The following TACC2 variants were observed in gnomAD, a reference collection of about 807,000 sequenced individuals.
TACC2 encodes the protein transforming acidic coiled-coil containing protein 2.
In TACC2, 137 loss-of-function variants were observed where a neutral mutation model predicts 227.3. The observed-to-expected ratio is 0.60, with a 90% CI of 0.52 to 0.69. TACC2 has a LOEUF of 0.69. Ranked by LOEUF, TACC2 falls within the 30% of genes least tolerant of loss-of-function variation. TACC2 has a pLI of 0.00. For synonymous variants in TACC2, 1,523 were observed against 1,487.5 expected (o/e 1.02, Z -0.55); for missense variants, 3,470 against 3,694.4 (o/e 0.94, Z 1.57).
chr10:122,170,271 T>C (rs2093405221), intron 7 of TACC2, among the ~76,000 whole-genome samples: 1 of 137,962 alleles, frequency 7.2e-6, no homozygotes, highest in Admixed American at 7.1e-5. Flanking sequence ...GTCTTTTTTT[T>C]TTTTTTTTTT....
intron 19 of TACC2, among the ~76,000 whole-genome samples, chr10:122,245,896 C>G (rs1218403142): frequency 6.6e-6 from 1 of 152,134 alleles, no homozygotes; most frequent in Non-Finnish European, 1.5e-5. Flanking sequence ...CAAGGTCACT[C>G]GTATGGAAAG....
chr10:122,144,293 C>T (rs1343153639), intron 7 of TACC2, among the ~76,000 whole-genome samples: 1 of 152,164 alleles, frequency 6.6e-6, no homozygotes, highest in Admixed American at 6.5e-5. Context: ...TAAAAAATAT[C>T]TCCACAGTGA....
At chr10:122,072,372 G>C (rs980517795) in intron 3 of TACC2, among the ~76,000 whole-genome samples, 5 of 152,194 alleles carry the variant, frequency 3.3e-5, no homozygotes, top group Non-Finnish European at 7.3e-5. Context: ...TGAGCACAGC[G>C]AAGATAAAAC....
intron 2 of TACC2, among the ~76,000 whole-genome samples, chr10:122,047,490 G>A (rs2075156592): frequency 6.6e-6 from 1 of 152,074 alleles, no homozygotes; most frequent in African/African-American, 2.4e-5. Context: ...CAGCCTGCAG[G>A]GAGGTCAAGC....
intron 2 of TACC2, among the ~76,000 whole-genome samples, chr10:122,038,286 AACAC>A (rs1431860904): frequency 6.6e-6 from 1 of 152,196 alleles, no homozygotes; most frequent in Non-Finnish European, 1.5e-5. Context: ...CAAATAAACA[AACAC>A]ACAAACCAAA....
At chr10:122,073,126 A>AAAATATATATAT (rs1383487943) in intron 3 of TACC2, among the ~76,000 whole-genome samples, 6 of 71,018 alleles carry the variant, frequency 8.4e-5, no homozygotes, top group Non-Finnish European at 1.2e-4. Context: ...AAAAAAAAAA[A>AAAATATATATAT]ATATATATAT....
chr10:122,068,357 C>T (rs1487306343), intron 3 of TACC2, among the ~76,000 whole-genome samples: 2 of 152,092 alleles, frequency 1.3e-5, no homozygotes, highest in Admixed American at 1.3e-4. Context: ...GGTCACATTT[C>T]CCTGCTCACA....
At chr10:122,111,557 C>T (rs945646589) in intron 5 of TACC2, among the ~76,000 whole-genome samples, 3 of 152,172 alleles carry the variant, frequency 2.0e-5, no homozygotes, top group African/African-American at 7.2e-5. Flanking sequence ...GTGGTGCAAC[C>T]TCGGCTCACT....
chr10:122,033,177 C>A, intron 2 of TACC2: 1 of 1,283,868 alleles, frequency 7.8e-7, no homozygotes, highest in Non-Finnish European at 1.0e-6. Context: ...TGCTGTTCTG[C>A]ATGGCTTCCC....
intron 11 of TACC2, among the ~76,000 whole-genome samples, chr10:122,217,103 G>A (rs1433609097): frequency 6.6e-6 from 1 of 152,170 alleles, no homozygotes; most frequent in Non-Finnish European, 1.5e-5. Flanking sequence ...GGTCCTGAGC[G>A]CCCACTCGAG....
At chr10:122,043,075 G>A (rs1335673031) in intron 2 of TACC2, among the ~76,000 whole-genome samples, 1 of 152,064 alleles carries the variant, frequency 6.6e-6, no homozygotes, top group Non-Finnish European at 1.5e-5. Context: ...GTTTATTGAC[G>A]GAGAGAGAGA....
chr10:121,993,105 A>G (rs1183852396), intron 1 of TACC2, among the ~76,000 whole-genome samples: 1 of 152,186 alleles, frequency 6.6e-6, no homozygotes, highest in Non-Finnish European at 1.5e-5. Flanking sequence ...GGATCCCTTG[A>G]GCCAAGAGTT....
intron 5 of TACC2, among the ~76,000 whole-genome samples, chr10:122,109,573 C>T (rs571779519): frequency 6.6e-6 from 1 of 152,294 alleles, no homozygotes; most frequent in South Asian, 2.1e-4. Flanking sequence ...TGAGCAGAGG[C>T]TGGGGGCCCA....
intron 3 of TACC2, among the ~76,000 whole-genome samples, chr10:122,064,165 C>G (rs2077145310): frequency 1.3e-5 from 2 of 151,868 alleles, no homozygotes; most frequent in Admixed American, 1.3e-4. Context: ...CTGTCTCAAA[C>G]AACAACAAAA....
chr10:122,221,071 G>A (rs2095515466), intron 11 of TACC2, among the ~76,000 whole-genome samples: 1 of 152,226 alleles, frequency 6.6e-6, no homozygotes, highest in Admixed American at 6.5e-5. Context: ...AGAGCTTCAA[G>A]TTGTCTTTAA....
rs775393485 is a variant in TACC2, at chr10:122,227,970, G to T, written c.7858G>T (p.Ala2620Ser). The stretch of plus-strand genomic sequence containing the variant: ...GAAATCCTCCCAGAAGGAGCTGGAG[G>T]CCATGGGCTTGGGCACCCCTTCAGA... ...PEKSSQKELE[A>S]MGLGTPSEAI... The change falls in exon 14 of 23, where the codon GCC (alanine) becomes TCC (serine). Residue 2620 changes from alanine to serine, a missense_variant. Around this residue, in one of 10 missense-constraint regions of TACC2, gnomAD observed 345 missense variants for 354.4 expected, o/e 0.97. Coordinates refer to ENST00000369005, the MANE Select transcript of TACC2 (RefSeq NM_206862.4). 6 of 1,614,126 alleles carry T rather than the reference G, an allele frequency of 3.7e-6. No individual in the cohort carries two copies. Among genetic ancestry groups the T allele is most frequent in the Non-Finnish European group, 4.2e-6 (5 of 1,180,028 alleles).
intron 7 of TACC2, among the ~76,000 whole-genome samples, chr10:122,176,111 C>CTATATA (rs1277849862): frequency 3.2e-4 from 20 of 62,376 alleles, no homozygotes; most frequent in Admixed American, 4.7e-4. Flanking sequence ...CTCTCTCTCT[C>CTATATA]TCTCTCTATA....
chr10:122,151,684 G>A (rs1298689296), intron 7 of TACC2, among the ~76,000 whole-genome samples: 1 of 152,114 alleles, frequency 6.6e-6, no homozygotes, highest in Non-Finnish European at 1.5e-5. Context: ...GGTGGGTGGA[G>A]GAGAGGCCAG....
At position 122,131,131 on chromosome 10, in the gene TACC2, T is replaced by C. The variant is rs1398894695; in HGVS notation, c.5574-1478T>C. Among the ~76,000 whole-genome samples the C allele has an allele frequency of 3.5e-5, 5 of 142,702 alleles. No homozygotes were observed. The East Asian group carries it at 1.0e-3, about 29-fold the overall frequency. 93.6% of individuals were successfully genotyped at this position (142,702 alleles called of 152,430 possible). On this transcript the variant is annotated intron_variant, in intron 5 of 22. Transcript: ENST00000369005. The stretch of plus-strand genomic sequence containing the variant: ...AAGTTGAGGTTACAGTGAGCCGTCA[T>C]GGAGCCACTGCATTTCAGTCTGGGC...
Sources: allele counts gnomAD v4.1 joint callset (sites outside exome capture counted in the v4.1 genomes callset), GRCh38; gene constraint gnomAD v4.1.1; regional missense constraint gnomAD v4.1.1; transcripts MANE v1.5; gene names NCBI Gene and HGNC (gene_info 2026-07-23, HGNC 2026-07-21).